Variants in PIP4K2B observed in about 807,000 individuals in gnomAD.
PIP4K2B encodes the protein phosphatidylinositol 5-phosphate 4-kinase type-2 beta.
A neutral mutation model predicts 42.0 loss-of-function variants in PIP4K2B; 3 were observed. The observed-to-expected ratio is 0.07, with a 90% confidence interval of 0.03 to 0.18. The LOEUF (loss-of-function observed/expected upper bound fraction) is 0.18. Among genes scored for constraint, PIP4K2B ranks in the 10% least tolerant of loss-of-function variants. PIP4K2B has a pLI of 1.00. For missense variants in PIP4K2B, 332 were observed against 562.3 expected (o/e 0.59, Z 4.14); for synonymous variants, 204 against 210.1 (o/e 0.97, Z 0.25).
At chr17:38,790,799 C>A (rs1291766868) in intron 1 of PIP4K2B, among the ~76,000 whole-genome samples, 21 of 152,136 alleles carry the variant, frequency 1.4e-4, no homozygotes. Flanking sequence ...GGTGAACAAT[C>A]CATATCTCAA....
chr17:38,772,915 C>A (rs1156413618), intron 7 of PIP4K2B, among the ~76,000 whole-genome samples: 1 of 152,040 alleles, frequency 6.6e-6, no homozygotes, highest in Non-Finnish European at 1.5e-5. Flanking sequence ...TCTTGACTTA[C>A]AAAGAAAATA....
At chr17:38,796,103 A>T (rs539930307) in intron 1 of PIP4K2B, among the ~76,000 whole-genome samples, 1 of 152,310 alleles carries the variant, frequency 6.6e-6, no homozygotes, top group South Asian at 2.1e-4. Flanking sequence ...GCACCACTGC[A>T]CTCCAGCCTG....
rs1909171334 is a variant in PIP4K2B at position 38,773,777 on chromosome 17, C to T, written c.808-2505G>A. Among the ~76,000 whole-genome samples the T allele has an allele frequency of 1.3e-5, 2 of 152,152 alleles. 1 individual carries two copies. The highest frequency in any genetic ancestry group is 4.1e-4 in the South Asian group (2 of 4,830). On this transcript the variant is annotated intron_variant, in intron 7 of 9. Transcript: ENST00000619039. ...GGAGGGATGCCACTCTGAGCACTTC[C>T]AGACAAAGCCTTCTCAAGGCCCAGG... is the stretch of plus-strand genomic sequence containing the variant.
At position 38,779,440 on chromosome 17, in the gene PIP4K2B, C is replaced by T. The variant is rs773505943; in HGVS notation, c.597G>A (p.Val199=). The T allele has an allele frequency of 3.1e-6, 5 of 1,613,770 alleles. No homozygotes were observed. Among genetic ancestry groups the T allele is most frequent in the African/African-American group, 2.7e-5 (2 of 74,934 alleles). Residue 199 remains valine, a synonymous_variant, in exon 5 of 10, where the codon GTG becomes GTA. Coordinates refer to ENST00000619039, the MANE Select transcript of PIP4K2B (RefSeq NM_003559.5). The part of the protein sequence containing the change: ...LTVDGVETYM[V]VTRNVFSHRL... ...GATGGCTGAACACGTTCCTGGTAAC[C>T]ACCATGTAGGTTTCCACACCATCCA...
intron 2 of PIP4K2B, among the ~76,000 whole-genome samples, chr17:38,785,254 T>A (rs1433848267): frequency 6.6e-6 from 1 of 152,176 alleles, no homozygotes; most frequent in Non-Finnish European, 1.5e-5. Flanking sequence ...CAGAAATATG[T>A]CCCAGTGACT....
At chr17:38,786,659 C>T (rs1343415293) in intron 2 of PIP4K2B, among the ~76,000 whole-genome samples, 164 bp downstream of exon 2, 1 of 152,216 alleles carries the variant, frequency 6.6e-6, no homozygotes, top group East Asian at 1.9e-4. Flanking sequence ...AGGCACATAA[C>T]GAATGCATTT....
chr17:38,793,857 G>A (rs566759875), intron 1 of PIP4K2B, among the ~76,000 whole-genome samples: 38 of 151,054 alleles, frequency 2.5e-4, no homozygotes, highest in African/African-American at 7.4e-4. Context: ...GTGCAAGAGC[G>A]CGAGACCCTG....
At chr17:38,788,444 C>A (rs1225372423) in intron 1 of PIP4K2B, among the ~76,000 whole-genome samples, 1 of 152,052 alleles carries the variant, frequency 6.6e-6, no homozygotes, top group Non-Finnish European at 1.5e-5. Flanking sequence ...TCGTGATCCA[C>A]CCACCTCGGC....
chr17:38,789,846 A>T (rs1910253625), intron 1 of PIP4K2B, among the ~76,000 whole-genome samples: 1 of 152,078 alleles, frequency 6.6e-6, no homozygotes, highest in African/African-American at 2.4e-5. Context: ...GCTGGCAAAA[A>T]CTGGCATAGA....
In PIP4K2B at chr17:38,779,399, C is replaced by T; in HGVS notation, c.638G>A (p.Arg213His). The T allele has an allele frequency of 6.2e-7, 1 of 1,612,106 alleles. No individual in the cohort carries two copies. The highest frequency in any genetic ancestry group is 8.5e-7 in the Non-Finnish European group (1 of 1,179,346). ...GCCCTTTACCTTGAGGTCATACTTG[C>T]GATGCACAGTGAGCCGATGGCTGAA... ...NVFSHRLTVH[R>H]KYDLKGSTVA... is the part of the protein sequence containing the mutation. Residue 213 changes from arginine (R) to histidine (H), a missense_variant, in exon 5 of 10, where the codon CGC becomes CAC. Arg to His is a conservative substitution (Grantham distance 29). Around this residue, in one of 6 missense-constraint regions of PIP4K2B, gnomAD observed 16 missense variants for 57.0 expected, o/e 0.28. Coordinates refer to ENST00000619039, the MANE Select transcript of PIP4K2B (RefSeq NM_003559.5).
At chr17:38,782,303 C>G (rs1283068962) in intron 3 of PIP4K2B, among the ~76,000 whole-genome samples, 1 of 152,242 alleles carries the variant, frequency 6.6e-6, no homozygotes, top group Non-Finnish European at 1.5e-5. Flanking sequence ...GGTCCCCTCC[C>G]TGAGCACCAT....
rs375540399 is a variant in PIP4K2B at position 38,779,503 on chromosome 17, C to T, written c.534G>A (p.Thr178=). ...HQFIVECHGN[T]LLPQFLGMYR... ...ACATGCCCAGGAACTGTGGCAAAAGCGTGTTGCCATGACACTCCACTATAA... is the reference window on the plus strand; with the variant it reads ...ACATGCCCAGGAACTGTGGCAAAAGTGTGTTGCCATGACACTCCACTATAA... Residue 178 remains threonine (T), a synonymous_variant, in exon 5 of 10, where the codon ACG becomes ACA. Coordinates refer to ENST00000619039, the MANE Select transcript of PIP4K2B (RefSeq NM_003559.5). 9.1e-5 allele frequency: 147 copies of T among 1,613,760 alleles called. No homozygotes were observed. The highest frequency in any genetic ancestry group is 1.0e-4 in the Non-Finnish European group (119 of 1,179,788).
intron 7 of PIP4K2B, among the ~76,000 whole-genome samples, chr17:38,772,216 T>C (rs1201684073): frequency 1.3e-5 from 2 of 152,218 alleles, no homozygotes. Context: ...AATGCAGTAG[T>C]CCACCCTTAT....
At chr17:38,773,585 T>A (rs1909161265) in intron 7 of PIP4K2B, among the ~76,000 whole-genome samples, 1 of 152,134 alleles carries the variant, frequency 6.6e-6, no homozygotes, top group South Asian at 2.1e-4. Context: ...CATACAGTGG[T>A]CACTAGGAGA....
intron 7 of PIP4K2B, among the ~76,000 whole-genome samples, chr17:38,774,836 T>C (rs1176694703): frequency 6.6e-6 from 1 of 152,148 alleles, no homozygotes; most frequent in Non-Finnish European, 1.5e-5. Context: ...AAACATCCTA[T>C]AGGTTTTGTT....
chr17:38,779,340 G>A (rs1175307551), intron 5 of PIP4K2B, 43 bp downstream of exon 5: 1 of 1,579,148 alleles, frequency 6.3e-7, no homozygotes, highest in East Asian at 2.3e-5. Context: ...TCGGGGCTCA[G>A]ATAGAGGGGA....
intron 1 of PIP4K2B, among the ~76,000 whole-genome samples, chr17:38,795,098 T>TCAAAAAAAAAAAAAAAAA (rs1910575586): frequency 6.3e-5 from 1 of 15,870 alleles, no homozygotes; most frequent in Admixed American, 8.1e-4. Context: ...AAACTCCATC[T>TCAAAAAAAAAAAAAAAAA]CAAAAAAAAA....
chr17:38,786,005 G>A (rs1036687211), intron 2 of PIP4K2B, among the ~76,000 whole-genome samples: 1 of 152,152 alleles, frequency 6.6e-6, no homozygotes, highest in African/African-American at 2.4e-5. Flanking sequence ...AGAACAAGAT[G>A]GTATTACTTA....
Position 38,771,053 on chromosome 17 carries a change from C to G in PIP4K2B, c.1027G>C (p.Asp343His), listed in dbSNP as rs147308811. Residue 343 changes from aspartate to histidine, a missense_variant, in exon 8 of 10, where the codon GAC becomes CAC. Asp to His is a moderately conservative substitution (Grantham distance 81). Around this residue, in one of 6 missense-constraint regions of PIP4K2B, gnomAD observed 63 missense variants for 71.6 expected, o/e 0.88. Transcript: ENST00000619039. ...FPRFFGPGEFDPSVDVYAMKS... is the reference protein window; with the variant it reads ...FPRFFGPGEFHPSVDVYAMKS... The stretch of plus-strand genomic sequence containing the variant: ...ATGGCATAGACGTCAACAGAGGGGT[C>G]GAATTCCCCAGGACCAAAGAACCGA... The G allele has an allele frequency of 6.2e-7, 1 of 1,614,112 alleles. No homozygotes were observed. Among genetic ancestry groups the G allele is most frequent in the East Asian group, 2.2e-5 (1 of 44,878 alleles).
Sources: allele counts gnomAD v4.1 joint callset (sites outside exome capture counted in the v4.1 genomes callset), GRCh38; gene constraint gnomAD v4.1.1; regional missense constraint gnomAD v4.1.1; transcripts MANE v1.5; gene names NCBI Gene and HGNC (gene_info 2026-07-23, HGNC 2026-07-21).